SPTBN1: variants seen among roughly 807,000 people sequenced by gnomAD.
SPTBN1 encodes spectrin beta chain, non-erythrocytic 1.
In SPTBN1, 32 loss-of-function variants were observed where a neutral mutation model predicts 266.4. The observed-to-expected ratio is 0.12, with a 90% CI of 0.09 to 0.16. The LOEUF (loss-of-function observed/expected upper bound fraction) is 0.16. Ranked by LOEUF, SPTBN1 falls within the 10% of genes least tolerant of loss-of-function variation. The pLI is 1.00. For missense variants in SPTBN1, 2,296 were observed against 3,067.1 expected (o/e 0.75, Z 5.94); for synonymous variants, 1,336 against 1,162.2 (o/e 1.15, Z -3.04).
At position 54,472,022 on chromosome 2, in the gene SPTBN1, G is replaced by GTTTTTTTTTTTTTTTT. The variant is rs768988675; in HGVS notation, c.-48+15512_-48+15527dup. ...GAATAAAAACTGGGGCCCTGAAGAT[G>GTTTTTTTTTTTTTTTT]TTTTTTTTTTTTTTTTTTTTTTTGA... On this transcript the variant is annotated intron_variant, in intron 1 of 35. Transcript: ENST00000356805. Among the ~76,000 whole-genome samples the GTTTTTTTTTTTTTTTT allele has an allele frequency of 4.2e-4, 28 of 66,802 alleles. 1 individual carries two copies. Among genetic ancestry groups the GTTTTTTTTTTTTTTTT allele is most frequent in the Admixed American group, 7.4e-4 (3 of 4,080 alleles). The allele number at this position is 66,802 out of a possible 152,430, so 43.8% of individuals were successfully genotyped here.
rs1433073794 is a variant in SPTBN1 at position 54,465,637 on chromosome 2, C to CATATATATATATATATATATA, written c.-48+9119_-48+9120insATATATATATATATATATATA. On this transcript the variant is annotated intron_variant, in intron 1 of 35. Coordinates refer to ENST00000356805, the MANE Select transcript of SPTBN1 (RefSeq NM_003128.3). ...TATGATGCATACATATCATGTTTAT[C>CATATATATATATATATATATA]TCATATATATATATATATATATATA... 4.9e-3 allele frequency among the ~76,000 whole-genome samples: 436 copies of CATATATATATATATATATATA among 89,592 alleles called. 14 individuals are homozygous for CATATATATATATATATATATA. Among genetic ancestry groups the CATATATATATATATATATATA allele is most frequent in the South Asian group, 9.5e-3 (28 of 2,946 alleles). The allele number at this position is 89,592 out of a possible 152,430, so 58.8% of individuals were successfully genotyped here. A position where few individuals can be genotyped will look rare whatever the true frequency, so the allele number is the denominator to read the frequency against.
chr2:54,533,370 GT>G lies in SPTBN1; in HGVS notation c.148+6805del, dbSNP rs1671387244. 6.6e-6 allele frequency among the ~76,000 whole-genome samples: 1 copy of G among 151,334 alleles called. No individual in the cohort carries two copies. Among genetic ancestry groups the G allele is most frequent in the African/African-American group, 2.4e-5 (1 of 41,090 alleles). ...GACTAGTGTGTGTGTGTGTGTGTGT[GT>G]GTGTGTGTGTGTGTGTGTGTGTGTC... is the stretch of plus-strand genomic sequence containing the variant. On this transcript the variant is annotated intron_variant, in intron 2 of 35. Transcript: ENST00000356805. The surrounding 1 kb of genome is among the most constrained non-coding windows in gnomAD (Gnocchi z 4.2).
intron 1 of SPTBN1, among the ~76,000 whole-genome samples, chr2:54,487,534 C>T (rs1320454793): frequency 6.6e-6 from 1 of 152,136 alleles, no homozygotes; most frequent in African/African-American, 2.4e-5. Context: ...GATTTTCAGC[C>T]TAGGTACAAT....
chr2:54,583,909 A>G (rs1376473902), intron 2 of SPTBN1, among the ~76,000 whole-genome samples: 1 of 152,196 alleles, frequency 6.6e-6, no homozygotes, highest in African/African-American at 2.4e-5. Context: ...TTTCCCCTTT[A>G]ATGGGAACGC....
At chr2:54,586,072 G>A (rs1337155080) in intron 2 of SPTBN1, among the ~76,000 whole-genome samples, 2 of 152,190 alleles carry the variant, frequency 1.3e-5, no homozygotes, top group Non-Finnish European at 2.9e-5. Flanking sequence ...GGGCTTGTCA[G>A]TATAAAATTA....
intron 1 of SPTBN1, among the ~76,000 whole-genome samples, chr2:54,510,758 G>A (rs539746847): frequency 1.3e-5 from 2 of 152,282 alleles, no homozygotes; most frequent in Non-Finnish European, 2.9e-5. Context: ...ACATCACCAG[G>A]GAGATTTTAA....
chr2:54,579,931 C>G (rs774495495), intron 2 of SPTBN1, among the ~76,000 whole-genome samples: 1 of 152,224 alleles, frequency 6.6e-6, no homozygotes, highest in Non-Finnish European at 1.5e-5. Flanking sequence ...ATGGGTGTTT[C>G]TTCTCTCCTT....
intron 32 of SPTBN1, chr2:54,663,104 G>T (rs1681161315): frequency 6.6e-6 from 1 of 152,038 alleles, no homozygotes; most frequent in African/African-American, 2.4e-5. Context: ...AATTAGTTTT[G>T]TTCAAAATCA....
At chr2:54,517,549 A>G (rs559440577) in intron 1 of SPTBN1, among the ~76,000 whole-genome samples, 9 of 152,304 alleles carry the variant, frequency 5.9e-5, no homozygotes, top group Non-Finnish European at 1.2e-4. Context: ...GAGTTTAGTA[A>G]TTTAATAATT....
At chr2:54,571,958 C>G (rs2104526076) in intron 2 of SPTBN1, among the ~76,000 whole-genome samples, 1 of 152,294 alleles carries the variant, frequency 6.6e-6, no homozygotes, top group East Asian at 1.9e-4. Flanking sequence ...AGGGCTTAGG[C>G]TGGGCCTATC....
intron 2 of SPTBN1, among the ~76,000 whole-genome samples, chr2:54,563,019 C>T (rs140921178): frequency 6.6e-6 from 1 of 152,188 alleles, no homozygotes; most frequent in African/African-American, 2.4e-5. Context: ...TTATAACATA[C>T]CTGTGAAGTT....
At position 54,664,675 on chromosome 2, in the gene SPTBN1, A is replaced by G. The variant is rs1214867068; in HGVS notation, c.6643A>G (p.Lys2215Glu). Reference sequence around the variant, plus strand: ...GAAACACGAGTGGGAGGCCCACAATAAGAAAGCCTCAAGCAGGTAACAGCA... The same window carrying G: ...GAAACACGAGTGGGAGGCCCACAATGAGAAAGCCTCAAGCAGGTAACAGCA... ...NRKHEWEAHN[K>E]KASSRSWHNV... Residue 2215 changes from lysine to glutamate, a missense_variant, in exon 33 of 36, where the codon AAG (lysine) becomes GAG (glutamate). Physicochemically the swap from Lys to Glu is moderately conservative, Grantham distance 56 (BLOSUM62 1). Transcript: ENST00000356805. The surrounding 1 kb of genome is among the most constrained non-coding windows in gnomAD (Gnocchi z 5.6). 1 of 1,614,126 alleles carries G rather than the reference A, an allele frequency of 6.2e-7. No individual in the cohort carries two copies. Among genetic ancestry groups the G allele is most frequent in the Non-Finnish European group, 8.5e-7 (1 of 1,179,994 alleles).
chr2:54,615,051 G>T (rs187389151), intron 4 of SPTBN1, among the ~76,000 whole-genome samples: 1 of 152,250 alleles, frequency 6.6e-6, no homozygotes, highest in Non-Finnish European at 1.5e-5. Context: ...TTCCCTTTCT[G>T]CACTTGAGCT....
intron 1 of SPTBN1, among the ~76,000 whole-genome samples, chr2:54,488,886 C>T (rs1450982091): frequency 6.6e-6 from 1 of 151,734 alleles, no homozygotes; most frequent in East Asian, 1.9e-4. Context: ...ACAATAAGTG[C>T]CATGGCAAAA....
intron 1 of SPTBN1, among the ~76,000 whole-genome samples, chr2:54,503,061 C>A (rs1467467494): frequency 1.3e-5 from 2 of 152,188 alleles, no homozygotes; most frequent in Non-Finnish European, 2.9e-5. Context: ...CAACTGGGTA[C>A]ATTCTTAGCC....
At chr2:54,608,223 T>C (rs1034891573) in intron 3 of SPTBN1, among the ~76,000 whole-genome samples, 6 of 152,204 alleles carry the variant, frequency 3.9e-5, no homozygotes, top group African/African-American at 1.4e-4. Flanking sequence ...TAAAGCCTCA[T>C]CCTTGCTCTT....
chr2:54,482,506 A>C (rs1417767130), intron 1 of SPTBN1, among the ~76,000 whole-genome samples: 1 of 152,200 alleles, frequency 6.6e-6, no homozygotes, highest in African/African-American at 2.4e-5. Context: ...ACATAAGCCA[A>C]GTATGCATGC....
At chr2:54,568,577 A>G (rs1463775186) in intron 2 of SPTBN1, among the ~76,000 whole-genome samples, 2 of 152,238 alleles carry the variant, frequency 1.3e-5, no homozygotes, top group Non-Finnish European at 2.9e-5. Context: ...GCTTTAAAAC[A>G]TAGTTAACTA....
chr2:54,651,567 G>A (rs1680293100), intron 26 of SPTBN1, among the ~76,000 whole-genome samples: 1 of 152,208 alleles, frequency 6.6e-6, no homozygotes. Flanking sequence ...CACGGGAGCT[G>A]TGGGAATGAC....
Sources: gnomAD v4.1 joint callset for allele counts (sites outside exome capture counted in the v4.1 genomes callset) on GRCh38, gnomAD v4.1.1 for gene constraint, Gnocchi (gnomAD v3.1) non-coding constraint, MANE v1.5 for transcripts, NCBI Gene and HGNC (gene_info 2026-07-23, HGNC 2026-07-21) for gene names.